ZNF804B: variants seen among roughly 807,000 people sequenced by gnomAD.
ZNF804B encodes zinc finger protein 804B, also known as zinc finger 804B.
A neutral mutation model predicts 101.4 loss-of-function variants in ZNF804B; 80 were observed. The ratio of observed to expected loss-of-function variants is 0.79; its 90% CI spans 0.66 to 0.95. The LOEUF is 0.95. Ranked by LOEUF, ZNF804B falls within the 40% of genes least tolerant of loss-of-function variation. The pLI is 0.00. For missense variants in ZNF804B, 1,673 were observed against 1,561.9 expected (o/e 1.07, Z -1.20); for synonymous variants, 622 against 558.8 (o/e 1.11, Z -1.59).
chr7:88,905,329 G>A (rs1387700029), intron 1 of ZNF804B, among the ~76,000 whole-genome samples: 1 of 151,864 alleles, frequency 6.6e-6, no homozygotes, highest in Non-Finnish European at 1.5e-5. Flanking sequence ...ACTTTTTGAT[G>A]TGCTGTTGAA....
intron 1 of ZNF804B, among the ~76,000 whole-genome samples, chr7:88,980,538 A>C (rs1015693660): frequency 2.0e-5 from 3 of 152,098 alleles, no homozygotes; most frequent in Non-Finnish European, 4.4e-5. Context: ...GCACTCCAAG[A>C]CCAGTCATGT....
intron 1 of ZNF804B, among the ~76,000 whole-genome samples, chr7:89,075,236 T>A (rs183157453): frequency 6.6e-6 from 1 of 152,246 alleles, no homozygotes; most frequent in East Asian, 1.9e-4. Context: ...GAAGAAAATG[T>A]CTCTAGGGCA....
chr7:88,854,533 T>TTCCTTCCCTTCCTTC (rs796987599), intron 1 of ZNF804B, among the ~76,000 whole-genome samples: 7 of 78,174 alleles, frequency 9.0e-5, no homozygotes, highest in Admixed American at 3.0e-4. Context: ...TTCCTTTCCT[T>TTCCTTCCCTTCCTTC]CCTTCCTTCC....
chr7:89,103,057 T>TTTTTTTGTTTG (rs1440811414), intron 1 of ZNF804B, among the ~76,000 whole-genome samples: 30 of 71,880 alleles, frequency 4.2e-4, no homozygotes, highest in African/African-American at 1.8e-3. Context: ...TGTTTTTTTT[T>TTTTTTTGTTTG]TTTTTTTTTT....
chr7:89,273,591 C>T (rs551791973), intron 2 of ZNF804B, among the ~76,000 whole-genome samples: 14 of 152,210 alleles, frequency 9.2e-5, no homozygotes, highest in Middle Eastern at 3.4e-3. Context: ...AAGTATGACA[C>T]AATTGAAGAA....
intron 1 of ZNF804B, among the ~76,000 whole-genome samples, chr7:89,189,007 C>A (rs1788415913): frequency 6.6e-6 from 1 of 152,088 alleles, no homozygotes; most frequent in African/African-American, 2.4e-5. Context: ...ATGAAAGAGG[C>A]TTCTATTGGA....
chr7:89,203,572 C>T (rs1259929098), intron 1 of ZNF804B, among the ~76,000 whole-genome samples: 1 of 151,960 alleles, frequency 6.6e-6, no homozygotes, highest in Non-Finnish European at 1.5e-5. Flanking sequence ...ATTTTTTTCA[C>T]AATTTCTAGT....
At chr7:89,332,603 T>C (rs1447151981) in intron 3 of ZNF804B, among the ~76,000 whole-genome samples, 3 of 151,930 alleles carry the variant, frequency 2.0e-5, no homozygotes. Flanking sequence ...TTATCTCTTA[T>C]ATATGTTGAT....
chr7:88,956,697 G>C (rs1401067288), intron 1 of ZNF804B, among the ~76,000 whole-genome samples: 1 of 151,196 alleles, frequency 6.6e-6, no homozygotes, highest in Admixed American at 6.6e-5. Flanking sequence ...AAGGAACACA[G>C]AAAAAATATT....
intron 2 of ZNF804B, among the ~76,000 whole-genome samples, chr7:89,244,077 G>C (rs1789410371): frequency 6.6e-6 from 1 of 151,948 alleles, no homozygotes; most frequent in Non-Finnish European, 1.5e-5. Context: ...ATGTGGTTTA[G>C]AGGAGAAAAA....
In ZNF804B at chr7:89,191,884, A is replaced by G. The variant is rs1397946746; in HGVS notation, c.109-26271A>G. Reference sequence around the variant, plus strand: ...TGTTTTAGCAGTTCATCCCGTAAGAATAGCTTACATGTTAAATTATACTTT... The same window carrying G: ...TGTTTTAGCAGTTCATCCCGTAAGAGTAGCTTACATGTTAAATTATACTTT... On this transcript the variant is annotated intron_variant, in intron 1 of 3. Coordinates refer to ENST00000333190, the MANE Select transcript of ZNF804B (RefSeq NM_181646.5). Among the ~76,000 whole-genome samples the G allele has an allele frequency of 2.0e-5, 3 of 152,126 alleles. No homozygotes were observed. The East Asian group carries it at 5.8e-4, about 29-fold the overall frequency.
intron 2 of ZNF804B, among the ~76,000 whole-genome samples, chr7:89,324,383 G>A (rs1334725569): frequency 1.3e-5 from 2 of 151,686 alleles, no homozygotes; most frequent in African/African-American, 4.8e-5. Context: ...GACATAATAT[G>A]TGTTCTTACA....
intron 1 of ZNF804B, among the ~76,000 whole-genome samples, chr7:88,981,333 C>A (rs1014998493): frequency 2.0e-5 from 3 of 152,074 alleles, no homozygotes; most frequent in African/African-American, 4.8e-5. Flanking sequence ...AGGACTCTAC[C>A]TGATGCTCTA....
At chr7:89,180,644 G>T (rs145995582) in intron 1 of ZNF804B, among the ~76,000 whole-genome samples, 2 of 151,962 alleles carry the variant, frequency 1.3e-5, no homozygotes, top group East Asian at 1.9e-4. Context: ...TATCCAAGTT[G>T]TATGACAAAG....
chr7:89,077,754 C>G (rs1789636095), intron 1 of ZNF804B, among the ~76,000 whole-genome samples: 1 of 152,110 alleles, frequency 6.6e-6, no homozygotes, highest in African/African-American at 2.4e-5. Flanking sequence ...CCAAGGTTCT[C>G]TCTTTCTTAA....
intron 1 of ZNF804B, among the ~76,000 whole-genome samples, chr7:89,200,048 T>C (rs1396442718): frequency 6.6e-6 from 1 of 151,472 alleles, no homozygotes; most frequent in Non-Finnish European, 1.5e-5. Flanking sequence ...GCCTTGTGCT[T>C]TTCATGTTTG....
At chr7:88,849,042 G>T (rs1020611789) in intron 1 of ZNF804B, among the ~76,000 whole-genome samples, 3 of 152,042 alleles carry the variant, frequency 2.0e-5, no homozygotes, top group Non-Finnish European at 2.9e-5. Context: ...GTGAAGTTCT[G>T]CCCTCAATTT....
chr7:89,332,710 G>GA lies in ZNF804B; in HGVS notation c.381-647dup, dbSNP rs940003564. ...TAAAACATATAATGCAGAAATGGTA[G>GA]AAAAAATATTTTGGTGAGTAAGAAG... is the stretch of plus-strand genomic sequence containing the variant. On this transcript the variant is annotated intron_variant, in intron 3 of 3. Transcript: ENST00000333190. Among the ~76,000 whole-genome samples, 11 of 151,832 alleles carry GA rather than the reference G, an allele frequency of 7.2e-5. No individual in the cohort carries two copies. The East Asian group carries it at 2.1e-3, about 29-fold the overall frequency.
intron 2 of ZNF804B, among the ~76,000 whole-genome samples, chr7:89,292,467 AGTGTT>A (rs1790311782): frequency 6.6e-6 from 1 of 152,114 alleles, no homozygotes; most frequent in Non-Finnish European, 1.5e-5. Context: ...TTGTTTATGC[AGTGTT>A]ACATTTTTAT....
Sources: gnomAD v4.1 joint callset for allele counts (sites outside exome capture counted in the v4.1 genomes callset) on GRCh38, gnomAD v4.1.1 for gene constraint, MANE v1.5 for transcripts, NCBI Gene and HGNC (gene_info 2026-07-23, HGNC 2026-07-21) for gene names.